Variants in FBXO22 observed in about 807,000 individuals in gnomAD.
FBXO22 encodes F-box protein 22.
FBXO22 carries 13 observed loss-of-function variants against 37.2 expected under a neutral mutation model. The observed-to-expected ratio is 0.35, with a 90% CI of 0.23 to 0.56. The LOEUF (loss-of-function observed/expected upper bound fraction) is 0.56. Among genes scored for constraint, FBXO22 ranks in the 20% least tolerant of loss-of-function variants. The probability of loss-of-function intolerance (pLI) is 0.87; values close to 1 mark genes in which losing one functional copy is unlikely to be tolerated. For missense variants in FBXO22, 446 were observed against 509.9 expected (o/e 0.87, Z 1.21); for synonymous variants, 189 against 189.1 (o/e 1.00, Z 0.00).
chr15:75,926,473 G>A (rs1900443253), intron 5 of FBXO22, among the ~76,000 whole-genome samples: 2 of 152,244 alleles, frequency 1.3e-5, no homozygotes, highest in African/African-American at 4.8e-5. Flanking sequence ...GTAGGGGAAA[G>A]TGATTCTACT....
chr15:75,918,962 TTTTG>T (rs1386223009), intron 5 of FBXO22, among the ~76,000 whole-genome samples: 2 of 152,120 alleles, frequency 1.3e-5, no homozygotes, highest in African/African-American at 4.8e-5. Flanking sequence ...ATATTCTTTT[TTTTG>T]TTTGTTTTGG....
At chr15:75,929,323 T>A (rs35364874) in intron 5 of FBXO22, among the ~76,000 whole-genome samples, 115,254 of 146,664 alleles carry the variant, frequency 0.79, 44,936 homozygotes, top group South Asian at 0.9. Flanking sequence ...AAAAAAAAAA[T>A]TTTTTTTAAA....
intron 6 of FBXO22, among the ~76,000 whole-genome samples, chr15:75,931,068 GCTAT>G (rs889788471): frequency 2.0e-5 from 3 of 152,074 alleles, no homozygotes; most frequent in African/African-American, 4.8e-5. Context: ...ATTCTTGGTG[GCTAT>G]CTAAGTTATT....
intron 5 of FBXO22, among the ~76,000 whole-genome samples, chr15:75,926,327 A>G (rs1900439642): frequency 6.6e-6 from 1 of 152,120 alleles, no homozygotes; most frequent in Non-Finnish European, 1.5e-5. Flanking sequence ...TTGAATTTTG[A>G]GTGTCAAGGA....
Position 75,917,215 on chromosome 15 carries a change from T to C in FBXO22, c.464-15T>C, listed in dbSNP as rs768954612. ...TACTGACTCTATTGGTGAAACTGTT[T>C]AACTTTTTCTCTAGTGACTCCAATG... On this transcript the variant is annotated splice_polypyrimidine_tract_variant and intron_variant, in intron 4 of 6. Transcript: ENST00000308275. 3 of 1,598,054 alleles carry C rather than the reference T, an allele frequency of 1.9e-6. No individual in the cohort carries two copies. Among genetic ancestry groups the C allele is most frequent in the Non-Finnish European group, 1.7e-6 (2 of 1,173,892 alleles).
At chr15:75,904,329 C>G (rs1899870409) in intron 1 of FBXO22, 162 bp from the exon 2 acceptor site, 1 of 1,174,802 alleles carries the variant, frequency 8.5e-7, no homozygotes, top group Non-Finnish European at 1.2e-6. Context: ...CCATATCTGG[C>G]TCTTCTTCCG....
At chr15:75,913,827 T>G (rs946466556) in intron 3 of FBXO22, among the ~76,000 whole-genome samples, 2 of 152,198 alleles carry the variant, frequency 1.3e-5, no homozygotes, top group Admixed American at 6.5e-5. Flanking sequence ...ATAGCAAGTC[T>G]AAAATTCAGC....
At position 75,929,952 on chromosome 15, in the gene FBXO22, A is replaced by G; in HGVS notation, c.697A>G (p.Ser233Gly). 6.2e-7 allele frequency: 1 copy of G among 1,614,160 alleles called. No individual in the cohort carries two copies. Among genetic ancestry groups the G allele is most frequent in the Non-Finnish European group, 8.5e-7 (1 of 1,179,988 alleles). Residue 233 changes from serine (S) to glycine (G), a missense_variant, in exon 6 of 7, where the codon AGT becomes GGT. Ser to Gly is a moderately conservative substitution (Grantham distance 56). This residue lies in a region of FBXO22 where 315 missense variants were observed against 410.1 expected (regional missense o/e 0.77). Transcript: ENST00000308275. ...TTATAATTGCTGTAAGGTGGGAGCC[A>G]GTAATTATCTGCAGCAAGTAGTCAG... ...FGYNCCKVGA[S>G]NYLQQVVSTF...
chr15:75,931,561 T>C (rs1228779112), intron 6 of FBXO22, among the ~76,000 whole-genome samples: 4 of 152,242 alleles, frequency 2.6e-5, no homozygotes, highest in African/African-American at 9.6e-5. Flanking sequence ...GTTTTACTAC[T>C]AGCTAGCCTT....
At chr15:75,906,400 T>C (rs1899930199) in intron 2 of FBXO22, among the ~76,000 whole-genome samples, 1 of 152,180 alleles carries the variant, frequency 6.6e-6, no homozygotes, top group African/African-American at 2.4e-5. Flanking sequence ...TGTATGTATA[T>C]ACATTAGTAT....
intron 5 of FBXO22, among the ~76,000 whole-genome samples, chr15:75,926,122 T>C (rs1900434520): frequency 6.6e-6 from 1 of 152,224 alleles, no homozygotes; most frequent in Non-Finnish European, 1.5e-5. Context: ...GGAATTGTTT[T>C]TAATGGTTGT....
rs2141725093 is a variant in FBXO22, at chr15:75,930,856, A to C, written c.794+807A>C. 4 of 984,290 alleles carry C rather than the reference A, an allele frequency of 4.1e-6. No homozygotes were observed. In the South Asian group the frequency reaches 1.9e-4, roughly 46 times the overall value. The allele number at this position is 984,290 out of a possible 1,614,324, so 61.0% of individuals were successfully genotyped here. On this transcript the variant is annotated intron_variant, in intron 6 of 6. Coordinates refer to ENST00000308275, the MANE Select transcript of FBXO22 (RefSeq NM_147188.3). ...TCCTAGAGTGGTGACATGGGGACAG[A>C]CTGTTGCAGATCAGTATCTATAAGA...
At position 75,933,268 on chromosome 15, in the gene FBXO22, TGAA is replaced by T. The variant is rs1323612488; in HGVS notation, c.*168_*170del. On this transcript the variant is annotated 3_prime_UTR_variant, in exon 7 of 7. Transcript: ENST00000308275. ...TGAGGGTAGTATTTAATATATTAGATGAAGGACAACTTTGGACATAACACTGAC... is the reference window on the plus strand; with the variant it reads ...TGAGGGTAGTATTTAATATATTAGATGGACAACTTTGGACATAACACTGAC... 3.2e-6 allele frequency: 2 copies of T among 622,764 alleles called. No homozygotes were observed. Among genetic ancestry groups the T allele is most frequent in the Admixed American group, 6.4e-5 (2 of 31,010 alleles). 38.6% of individuals were successfully genotyped at this position (622,764 alleles called of 1,614,324 possible). A position where few individuals can be genotyped will look rare whatever the true frequency, so the allele number is the denominator to read the frequency against.
At chr15:75,914,918 A>G (rs1482700886) in intron 4 of FBXO22, among the ~76,000 whole-genome samples, 1 of 152,208 alleles carries the variant, frequency 6.6e-6, no homozygotes, top group Non-Finnish European at 1.5e-5. Flanking sequence ...TAACACTTGT[A>G]AAGCATTTAC....
intron 5 of FBXO22, among the ~76,000 whole-genome samples, chr15:75,920,764 C>T (rs1173516452): frequency 2.0e-5 from 3 of 151,916 alleles, no homozygotes; most frequent in Non-Finnish European, 4.4e-5. Context: ...CGGAGGTTGC[C>T]GTGAGCTGAA....
chr15:75,910,777 A>G (rs1900035708), intron 2 of FBXO22, among the ~76,000 whole-genome samples: 1 of 152,116 alleles, frequency 6.6e-6, no homozygotes, highest in Non-Finnish European at 1.5e-5. Context: ...ATTAGCTCCT[A>G]TTTGTCAATT....
At chr15:75,926,511 A>G (rs1264242839) in intron 5 of FBXO22, among the ~76,000 whole-genome samples, 3 of 152,226 alleles carry the variant, frequency 2.0e-5, no homozygotes, top group Non-Finnish European at 4.4e-5. Context: ...AGGAGGGGGA[A>G]GTGTTCCATT....
At position 75,940,983 on chromosome 15, in the gene FBXO22, CAACA is replaced by C. The variant is rs2030897419; in HGVS notation, c.*7882_*7885del. 6.6e-6 allele frequency: 1 copy of C among 152,052 alleles called. No homozygotes were observed. The highest frequency in any genetic ancestry group is 2.4e-5 in the African/African-American group (1 of 41,428). The allele number at this position is 152,052 out of a possible 1,614,324, so 9.4% of individuals were successfully genotyped here. On this transcript the variant is annotated 3_prime_UTR_variant, in exon 7 of 7. Coordinates refer to ENST00000308275, the MANE Select transcript of FBXO22 (RefSeq NM_147188.3). ...AATTTTGTGCATCAAAGAACACTATCAACAGAGTAAAAAGATTACCTATGGAGTG... is the reference window on the plus strand; with the variant it reads ...AATTTTGTGCATCAAAGAACACTATCGAGTAAAAAGATTACCTATGGAGTG...
At position 75,939,080 on chromosome 15, in the gene FBXO22, T is replaced by G. The variant is rs1162655600; in HGVS notation, c.*5978T>G. ...ACATACTAAATCCAAAGCTAGCAGA[T>G]GGAAGGAAATAATAAAGATTAGAAC... On this transcript the variant is annotated 3_prime_UTR_variant, in exon 7 of 7. Coordinates refer to ENST00000308275, the MANE Select transcript of FBXO22 (RefSeq NM_147188.3). The G allele has an allele frequency of 6.6e-6, 1 of 151,912 alleles. No individual in the cohort carries two copies. The highest frequency in any genetic ancestry group is 1.9e-4 in the East Asian group (1 of 5,186). 9.4% of individuals were successfully genotyped at this position (151,912 alleles called of 1,614,324 possible).
Sources: gnomAD v4.1 joint callset for allele counts (sites outside exome capture counted in the v4.1 genomes callset) on GRCh38, gnomAD v4.1.1 for gene constraint, gnomAD v4.1.1 regional missense constraint, MANE v1.5 for transcripts, NCBI Gene and HGNC (gene_info 2026-07-23, HGNC 2026-07-21) for gene names.